MFSD6: variants seen among roughly 807,000 people sequenced by gnomAD.
The protein encoded by MFSD6 is major facilitator superfamily domain containing 6.
Under a neutral mutation model 56.3 loss-of-function variants are expected in MFSD6, and 26 were observed. The ratio of observed to expected loss-of-function variants is 0.46; its 90% CI spans 0.34 to 0.64. The LOEUF is 0.64. Ranked by LOEUF, MFSD6 falls within the 30% of genes least tolerant of loss-of-function variation. MFSD6 has a pLI of 0.01. For missense variants in MFSD6, 750 were observed against 986.2 expected, an observed-to-expected ratio of 0.76 and a Z score of 3.21; for synonymous variants, 331 against 366.9, an observed-to-expected ratio of 0.90 and a Z score of 1.12.
rs6757698 is a variant in MFSD6, at chr2:190,498,770, T to C, written c.2172+1051T>C. Among the ~76,000 whole-genome samples, 35,296 of 152,148 alleles carry C rather than the reference T, an allele frequency of 0.23. 5,052 individuals carry two copies. The highest frequency in any genetic ancestry group is 0.34 in the South Asian group (1,621 of 4,820). On this transcript the variant is annotated intron_variant, in intron 7 of 7. Transcript: ENST00000392328. The surrounding 1 kb of genome is among the most constrained non-coding windows in gnomAD (Gnocchi z 5.9). ...TGCTGCTTGAGTAGCAATATTTTCA[T>C]TACTTTGTGTACTCATCCTCATTTT...
At chr2:190,480,515 T>G (rs1014759104) in intron 4 of MFSD6, among the ~76,000 whole-genome samples, 1 of 152,230 alleles carries the variant, frequency 6.6e-6, no homozygotes, top group African/African-American at 2.4e-5. Flanking sequence ...CTTCCTAGGA[T>G]GACATCTTGC....
rs576588326 is a variant in MFSD6 at position 190,490,061 on chromosome 2, T to C, written c.1891+195T>C. 6.6e-6 allele frequency among the ~76,000 whole-genome samples: 1 copy of C among 151,824 alleles called. No homozygotes were observed. Among genetic ancestry groups the C allele is most frequent in the South Asian group, 2.1e-4 (1 of 4,754 alleles). On this transcript the variant is annotated intron_variant, in intron 6 of 7. Coordinates refer to ENST00000392328, the MANE Select transcript of MFSD6 (RefSeq NM_017694.4). This position sits in a 1 kb window ranked among gnomAD's most constrained non-coding sequence, Gnocchi z 4.5. The stretch of plus-strand genomic sequence containing the variant: ...CTACTATGCAGAAAAAATATTGTTT[T>C]AAGTAGCTTGGGGTTTTCTTGTTTT...
rs1162045540 is a variant in MFSD6 at position 190,495,321 on chromosome 2, A to G, written c.1892-2118A>G. ...CTGAAAGACCTCTACAAGGAAAACTACAAAACACTGCTGAAAGAAATCATA... is the reference window on the plus strand; with the variant it reads ...CTGAAAGACCTCTACAAGGAAAACTGCAAAACACTGCTGAAAGAAATCATA... On this transcript the variant is annotated intron_variant, in intron 6 of 7. Coordinates refer to ENST00000392328, the MANE Select transcript of MFSD6 (RefSeq NM_017694.4). This position sits in a 1 kb window ranked among gnomAD's most constrained non-coding sequence, Gnocchi z 4.7. 6.6e-6 allele frequency among the ~76,000 whole-genome samples: 1 copy of G among 152,210 alleles called. No homozygotes were observed. The highest frequency in any genetic ancestry group is 1.5e-5 in the Non-Finnish European group (1 of 68,026).
In MFSD6 at chr2:190,499,976, A is replaced by G. The variant is rs1559148148; in HGVS notation, c.2173-39A>G. 3 of 1,609,774 alleles carry G rather than the reference A, an allele frequency of 1.9e-6. No individual in the cohort carries two copies. Among genetic ancestry groups the G allele is most frequent in the East Asian group, 2.2e-5 (1 of 44,868 alleles). ...ATATAAAAAGTTGGATTTATTTGCTATCACTGATCATGGGGCATCTCCTGT... is the reference window on the plus strand; with the variant it reads ...ATATAAAAAGTTGGATTTATTTGCTGTCACTGATCATGGGGCATCTCCTGT... On this transcript the variant is annotated intron_variant, in intron 7 of 7. Coordinates refer to ENST00000392328, the MANE Select transcript of MFSD6 (RefSeq NM_017694.4). The surrounding 1 kb of genome is among the most constrained non-coding windows in gnomAD (Gnocchi z 6.0).
chr2:190,429,173 T>C (rs1024500022), intron 2 of MFSD6, among the ~76,000 whole-genome samples: 1 of 152,046 alleles, frequency 6.6e-6, no homozygotes, highest in Non-Finnish European at 1.5e-5. Context: ...TACTGATTTT[T>C]TTCTATTGAT....
rs1489542724 is a variant in MFSD6, at chr2:190,410,230, T to G, written c.-176+1727T>G. On this transcript the variant is annotated intron_variant, in intron 1 of 7. Coordinates refer to ENST00000392328, the MANE Select transcript of MFSD6 (RefSeq NM_017694.4). This position sits in a 1 kb window ranked among gnomAD's most constrained non-coding sequence, Gnocchi z 4.4. ...GTACTTATTATGTTCAAGACACCATTGTAAACATTTAGTATCTCAATCTCT... is the reference window on the plus strand; with the variant it reads ...GTACTTATTATGTTCAAGACACCATGGTAAACATTTAGTATCTCAATCTCT... Among the ~76,000 whole-genome samples, 1 of 152,238 alleles carries G rather than the reference T, an allele frequency of 6.6e-6. No homozygotes were observed. Among genetic ancestry groups the G allele is most frequent in the Non-Finnish European group, 1.5e-5 (1 of 68,044 alleles).
At chr2:190,472,841 G>T (rs1381966157) in intron 4 of MFSD6, among the ~76,000 whole-genome samples, 1 of 152,166 alleles carries the variant, frequency 6.6e-6, no homozygotes, top group African/African-American at 2.4e-5. Flanking sequence ...AGAGAGAAAG[G>T]TCGGGTTACC....
At position 190,431,695 on chromosome 2, in the gene MFSD6, AAG is replaced by A. The variant is rs113259150; in HGVS notation, c.-53-4277_-53-4276del. Among the ~76,000 whole-genome samples, 34,734 of 152,004 alleles carry A rather than the reference AAG, an allele frequency of 0.23. 4,880 individuals are homozygous for A. The highest frequency in any genetic ancestry group is 0.33 in the South Asian group (1,602 of 4,814). On this transcript the variant is annotated intron_variant, in intron 2 of 7. Coordinates refer to ENST00000392328, the MANE Select transcript of MFSD6 (RefSeq NM_017694.4). The surrounding 1 kb of genome is among the most constrained non-coding windows in gnomAD (Gnocchi z 4.4). ...GGCTCAGCATCAGGGAGACCGTGGA[AAG>A]AGAGGGAGAGGGAGACTGTGGGGAG... is the stretch of plus-strand genomic sequence containing the variant.
Position 190,423,476 on chromosome 2 carries a change from A to G in MFSD6, c.-54+8063A>G, listed in dbSNP as rs912636281. Reference sequence around the variant, plus strand: ...ATGTATCAATCGTTTGCTCCTTTTTATTGCTGCATAATATCCCATAGTAAA... The same window carrying G: ...ATGTATCAATCGTTTGCTCCTTTTTGTTGCTGCATAATATCCCATAGTAAA... On this transcript the variant is annotated intron_variant, in intron 2 of 7. Coordinates refer to ENST00000392328, the MANE Select transcript of MFSD6 (RefSeq NM_017694.4). This position sits in a 1 kb window ranked among gnomAD's most constrained non-coding sequence, Gnocchi z 4.3. Among the ~76,000 whole-genome samples the G allele has an allele frequency of 1.3e-5, 2 of 152,150 alleles. No individual in the cohort carries two copies. Among genetic ancestry groups the G allele is most frequent in the African/African-American group, 4.8e-5 (2 of 41,422 alleles).
intron 2 of MFSD6, chr2:190,435,403 A>T (rs1205677183): frequency 6.6e-6 from 1 of 152,482 alleles, no homozygotes; most frequent in Admixed American, 6.5e-5. Context: ...ACTGTACATA[A>T]TATATGCAAT....
At position 190,488,805 on chromosome 2, in the gene MFSD6, A is replaced by G. The variant is rs768844876; in HGVS notation, c.1779A>G (p.Leu593=). The G allele has an allele frequency of 6.4e-7, 1 of 1,569,400 alleles. No homozygotes were observed. The highest frequency in any genetic ancestry group is 8.6e-7 in the Non-Finnish European group (1 of 1,164,028). ...RGCGAMIGGV[L]VNYFGAAATF... ...GTGGTGCCATGATCGGAGGCGTGTTAGTCAATTATTTTGGTAAGAATGGCT... is the reference window on the plus strand; with the variant it reads ...GTGGTGCCATGATCGGAGGCGTGTTGGTCAATTATTTTGGTAAGAATGGCT... Residue 593 remains leucine, a synonymous_variant, in exon 5 of 8, where the codon TTA becomes TTG. Transcript: ENST00000392328. This position sits in a 1 kb window ranked among gnomAD's most constrained non-coding sequence, Gnocchi z 6.4.
In MFSD6 at chr2:190,425,097, C is replaced by CT. The variant is rs1685746642; in HGVS notation, c.-54+9690dup. ...TTTTTAAATTTATACCCAAGTGTTT[C>CT]TTTTTTAAGCAGCTGTAAATGGTAT... On this transcript the variant is annotated intron_variant, in intron 2 of 7. Coordinates refer to ENST00000392328, the MANE Select transcript of MFSD6 (RefSeq NM_017694.4). The surrounding 1 kb of genome is among the most constrained non-coding windows in gnomAD (Gnocchi z 4.3). Among the ~76,000 whole-genome samples, 1 of 152,004 alleles carries CT rather than the reference C, an allele frequency of 6.6e-6. No homozygotes were observed. The highest frequency in any genetic ancestry group is 2.4e-5 in the African/African-American group (1 of 41,368).
In MFSD6 at chr2:190,496,484, C is replaced by A. The variant is rs777618818; in HGVS notation, c.1892-955C>A. 3.4e-4 allele frequency among the ~76,000 whole-genome samples: 52 copies of A among 152,154 alleles called. No homozygotes were observed. The highest frequency in any genetic ancestry group is 1.3e-4 in the Non-Finnish European group (9 of 68,016). On this transcript the variant is annotated intron_variant, in intron 6 of 7. Transcript: ENST00000392328. This position sits in a 1 kb window ranked among gnomAD's most constrained non-coding sequence, Gnocchi z 4.7. ...ATCCAGCAATCCCACTACTGGGTAT[C>A]TACCCAGAGGAAAAGAAGTCATTAT...
rs181832836 is a variant in MFSD6 at position 190,477,475 on chromosome 2, C to T, written c.1630+7620C>T. On this transcript the variant is annotated intron_variant, in intron 4 of 7. Transcript: ENST00000392328. ...TTAAAATGAGTTAGGTGGAAAAGGA[C>T]GGTTTCCATAAGTGACCCAAGAAAA... 2.0e-4 allele frequency: 117 copies of T among 582,362 alleles called. No homozygotes were observed. In the African/African-American group the frequency reaches 2.3e-3, roughly 11 times the overall value. The allele number at this position is 582,362 out of a possible 1,614,324, so 36.1% of individuals were successfully genotyped here.
At chr2:190,432,302 G>C (rs1686031455) in intron 2 of MFSD6, among the ~76,000 whole-genome samples, 1 of 152,232 alleles carries the variant, frequency 6.6e-6, no homozygotes, top group African/African-American at 2.4e-5. Context: ...GATGGGGAAA[G>C]GGGCCAAGGC....
Position 190,415,901 on chromosome 2 carries a change from T to C in MFSD6, c.-54+488T>C, listed in dbSNP as rs944136488. Among the ~76,000 whole-genome samples, 5 of 152,176 alleles carry C rather than the reference T, an allele frequency of 3.3e-5. No individual in the cohort carries two copies. Among genetic ancestry groups the C allele is most frequent in the Non-Finnish European group, 7.3e-5 (5 of 68,030 alleles). On this transcript the variant is annotated intron_variant, in intron 2 of 7. Transcript: ENST00000392328. The surrounding 1 kb of genome is among the most constrained non-coding windows in gnomAD (Gnocchi z 4.5). ...ACATTTCTGTTTAAACTGCCTTGTC[T>C]CGTGTATAGATTGTGCTTTATTTAA...
rs749805989 is a variant in MFSD6, at chr2:190,437,113, C to T, written c.1084C>T (p.Pro362Ser). The T allele has an allele frequency of 3.1e-6, 5 of 1,614,208 alleles. No homozygotes were observed. The highest frequency in any genetic ancestry group is 4.2e-6 in the Non-Finnish European group (5 of 1,180,034). ...EVLIDGKGCK[P>S]PEYRNYQIVF... is the part of the protein sequence containing the mutation. ...GCTCATCGATGGAAAGGGGTGTAAGCCCCCCGAGTACAGGAATTACCAGAT... is the reference window on the plus strand; with the variant it reads ...GCTCATCGATGGAAAGGGGTGTAAGTCCCCCGAGTACAGGAATTACCAGAT... Residue 362 changes from proline to serine, a missense_variant, in exon 3 of 8, where the codon CCC (proline) becomes TCC (serine). Pro to Ser is a moderately conservative substitution (Grantham distance 74). Around this residue, in one of 5 missense-constraint regions of MFSD6, gnomAD observed 376 missense variants for 437.9 expected, o/e 0.86. Transcript: ENST00000392328. This position sits in a 1 kb window ranked among gnomAD's most constrained non-coding sequence, Gnocchi z 5.9.
chr2:190,440,977 C>T (rs1188058707), intron 3 of MFSD6, among the ~76,000 whole-genome samples: 1 of 152,098 alleles, frequency 6.6e-6, no homozygotes, highest in Non-Finnish European at 1.5e-5. Flanking sequence ...TGGGAGGTGG[C>T]ACATGATAGT....
Position 190,488,737 on chromosome 2 carries a change from C to G in MFSD6, c.1711C>G (p.Gln571Glu). 1.2e-6 allele frequency: 2 copies of G among 1,610,662 alleles called. No homozygotes were observed. Among genetic ancestry groups the G allele is most frequent in the Non-Finnish European group, 1.7e-6 (2 of 1,178,546 alleles). ...AVPPELRTSA[Q>E]GILQGLHLGL... ...TCCCCCTGAGCTGAGGACATCTGCTCAGGGCATCCTGCAGGGCCTTCACCT... is the reference window on the plus strand; with the variant it reads ...TCCCCCTGAGCTGAGGACATCTGCTGAGGGCATCCTGCAGGGCCTTCACCT... Residue 571 changes from glutamine (Q) to glutamate (E), a missense_variant, in exon 5 of 8, where the codon CAG becomes GAG. By Grantham distance (29) the Gln-to-Glu change is conservative. Coordinates refer to ENST00000392328, the MANE Select transcript of MFSD6 (RefSeq NM_017694.4). The surrounding 1 kb of genome is among the most constrained non-coding windows in gnomAD (Gnocchi z 6.4).
Sources: gnomAD v4.1 joint callset for allele counts (sites outside exome capture counted in the v4.1 genomes callset) on GRCh38, gnomAD v4.1.1 for gene constraint, gnomAD v4.1.1 regional missense constraint, Gnocchi (gnomAD v3.1) non-coding constraint, MANE v1.5 for transcripts, NCBI Gene and HGNC (gene_info 2026-07-23, HGNC 2026-07-21) for gene names.